OPRD1: variants seen among roughly 807,000 people sequenced by gnomAD.
The protein encoded by OPRD1 is opioid receptor delta 1.
In OPRD1, 19 loss-of-function variants were observed where a neutral mutation model predicts 17.5. That is an observed-to-expected ratio of 1.09 (90% confidence interval 0.76 to 1.60). The LOEUF is 1.60. Among genes scored for constraint, OPRD1 ranks in the 40% most tolerant of loss-of-function variants. The pLI, the probability that OPRD1 is intolerant of heterozygous loss-of-function variation, is 0.00. For synonymous variants in OPRD1, 256 were observed against 240.9 expected, an observed-to-expected ratio of 1.06 and a Z score of -0.58; for missense variants, 483 against 547.2, an observed-to-expected ratio of 0.88 and a Z score of 1.17.
intron 1 of OPRD1, among the ~76,000 whole-genome samples, chr1:28,836,138 C>T (rs2088850526): frequency 6.6e-6 from 1 of 152,178 alleles, no homozygotes; most frequent in Admixed American, 6.6e-5. Context: ...TGTGTTTAGG[C>T]CATGCCTGGT....
rs149830168 is a variant in OPRD1 at position 28,862,733 on chromosome 1, G to A, written c.578-9G>A. 646 of 1,578,624 alleles carry A rather than the reference G, an allele frequency of 4.1e-4. 4 individuals are homozygous for A. Among genetic ancestry groups the A allele is most frequent in the African/African-American group, 2.2e-3 (164 of 74,262 alleles). The stretch of plus-strand genomic sequence containing the variant: ...ACCCCGTCTGTCTTTCCTTGTTTCC[G>A]CGGCCCAGACGGGGCAGTGGTGTGC... On this transcript the variant is annotated splice_polypyrimidine_tract_variant and intron_variant, in intron 2 of 2. Transcript: ENST00000234961.
rs1488075455 is a variant in OPRD1, at chr1:28,866,552, G to A, written c.*3269G>A. 6.6e-6 allele frequency: 1 copy of A among 152,214 alleles called. No homozygotes were observed. Among genetic ancestry groups the A allele is most frequent in the Non-Finnish European group, 1.5e-5 (1 of 68,046 alleles). 9.4% of individuals were successfully genotyped at this position (152,214 alleles called of 1,614,324 possible). A position where few individuals can be genotyped will look rare whatever the true frequency, so the allele number is the denominator to read the frequency against. On this transcript the variant is annotated 3_prime_UTR_variant, in exon 3 of 3. Transcript: ENST00000234961. The stretch of plus-strand genomic sequence containing the variant: ...GTTATCCCCATTGAGGACAAAGAGA[G>A]CTGAGGCTGAGAGAGGTCAGGCTAC...
chr1:28,852,476 A>G (rs540251484), intron 1 of OPRD1, among the ~76,000 whole-genome samples: 1 of 152,264 alleles, frequency 6.6e-6, no homozygotes, highest in Non-Finnish European at 1.5e-5. Context: ...TAAGAATGTA[A>G]ACCCTAAATA....
chr1:28,851,523 CGAG>C (rs2089002026), intron 1 of OPRD1, among the ~76,000 whole-genome samples: 1 of 152,142 alleles, frequency 6.6e-6, no homozygotes, highest in African/African-American at 2.4e-5. Context: ...GTGCTCTAGC[CGAG>C]GAGGACAGGT....
chr1:28,820,699 C>A (rs1201611163), intron 1 of OPRD1, among the ~76,000 whole-genome samples: 1 of 152,010 alleles, frequency 6.6e-6, no homozygotes, highest in Non-Finnish European at 1.5e-5. Context: ...TGGTGGCATG[C>A]ACCTGTAGTC....
intron 1 of OPRD1, among the ~76,000 whole-genome samples, chr1:28,856,377 C>T (rs1569650627): frequency 1.3e-5 from 2 of 152,200 alleles, no homozygotes; most frequent in Admixed American, 6.5e-5. Context: ...AAAGATCGCT[C>T]AGATCTGAGG....
In OPRD1 at chr1:28,813,243, C is replaced by T. The variant is rs191949526; in HGVS notation, c.227+633C>T. 7.6e-3 allele frequency among the ~76,000 whole-genome samples: 1,158 copies of T among 152,286 alleles called. 13 individuals carry two copies. Among genetic ancestry groups the T allele is most frequent in the African/African-American group, 0.024 (1,006 of 41,548 alleles). On this transcript the variant is annotated intron_variant, in intron 1 of 2. Transcript: ENST00000234961. ...AGGGCGGCAGAGCATCCGGAGTGGC[C>T]GTCGTCCCTGTGTTTGTGCAGCTGT...
chr1:28,852,153 C>A (rs2089009692), intron 1 of OPRD1, among the ~76,000 whole-genome samples: 1 of 109,920 alleles, frequency 9.1e-6, no homozygotes. Context: ...GGCGACAGAG[C>A]AAACTCCATG....
intron 1 of OPRD1, among the ~76,000 whole-genome samples, chr1:28,847,954 T>A (rs2088967888): frequency 6.6e-6 from 1 of 151,550 alleles, no homozygotes; most frequent in African/African-American, 2.4e-5. Flanking sequence ...ACCCAGTTAT[T>A]GGAAAAAAAA....
chr1:28,817,757 T>C (rs902619311), intron 1 of OPRD1, among the ~76,000 whole-genome samples: 4 of 152,026 alleles, frequency 2.6e-5, no homozygotes, highest in Non-Finnish European at 4.4e-5. Context: ...CAGGCTGGAG[T>C]GCAGTGGTGT....
intron 1 of OPRD1, among the ~76,000 whole-genome samples, chr1:28,856,534 G>A (rs1361203248): frequency 1.3e-5 from 2 of 152,092 alleles, no homozygotes; most frequent in African/African-American, 4.8e-5. Flanking sequence ...ACCCTCCTCT[G>A]GGTATCTCAG....
intron 1 of OPRD1, among the ~76,000 whole-genome samples, chr1:28,850,590 T>C (rs1305738484): frequency 1.3e-5 from 2 of 152,016 alleles, no homozygotes; most frequent in African/African-American, 4.8e-5. Flanking sequence ...CCCCAAGTGC[T>C]GGGATTACAT....
chr1:28,825,026 G>C (rs1330943684), intron 1 of OPRD1, among the ~76,000 whole-genome samples: 1 of 151,486 alleles, frequency 6.6e-6, no homozygotes, highest in Non-Finnish European at 1.5e-5. Flanking sequence ...TGTGGAGATG[G>C]GGTTTCACCG....
At chr1:28,839,280 T>A (rs2088877236) in intron 1 of OPRD1, among the ~76,000 whole-genome samples, 2 of 152,266 alleles carry the variant, frequency 1.3e-5, no homozygotes, top group African/African-American at 4.8e-5. Flanking sequence ...TCGTCTAATT[T>A]CTGCTTCCCT....
intron 1 of OPRD1, among the ~76,000 whole-genome samples, chr1:28,823,088 T>C (rs937243119): frequency 2.6e-5 from 4 of 151,930 alleles, no homozygotes; most frequent in African/African-American, 9.7e-5. Context: ...GGTGTCTGGG[T>C]TGTGTTCTAC....
chr1:28,852,178 A>G (rs2089010484), intron 1 of OPRD1, among the ~76,000 whole-genome samples: 1 of 150,964 alleles, frequency 6.6e-6, no homozygotes, highest in African/African-American at 2.4e-5. Context: ...AAAAAAAAAA[A>G]AAAAAAAAGA....
intron 1 of OPRD1, among the ~76,000 whole-genome samples, chr1:28,818,521 A>G (rs2088688432): frequency 6.6e-6 from 1 of 152,146 alleles, no homozygotes; most frequent in African/African-American, 2.4e-5. Context: ...GGAGCATTCC[A>G]GATAGAGGGA....
intron 1 of OPRD1, among the ~76,000 whole-genome samples, chr1:28,817,809 A>C (rs1007484541): frequency 6.8e-6 from 1 of 148,044 alleles, no homozygotes; most frequent in African/African-American, 2.5e-5. Flanking sequence ...GGTTCAAGGG[A>C]TTCTCGTGCC....
At chr1:28,842,497 G>C (rs879781997) in intron 1 of OPRD1, among the ~76,000 whole-genome samples, 9 of 152,358 alleles carry the variant, frequency 5.9e-5, no homozygotes, top group Admixed American at 5.9e-4. Flanking sequence ...TGGCCTGGCT[G>C]TGCCAGGGTA....
Sources: gnomAD v4.1 joint callset for allele counts (sites outside exome capture counted in the v4.1 genomes callset) on GRCh38, gnomAD v4.1.1 for gene constraint, MANE v1.5 for transcripts, NCBI Gene and HGNC (gene_info 2026-07-23, HGNC 2026-07-21) for gene names.